EVC: variants seen among roughly 807,000 people sequenced by gnomAD.
The protein encoded by EVC is EvC ciliary complex subunit 1, also known as evC complex member EVC.
A neutral mutation model predicts 118.9 loss-of-function variants in EVC; 116 were observed. The observed-to-expected ratio is 0.98, with a 90% CI of 0.84 to 1.14. The LOEUF is 1.14. Ranked by LOEUF, EVC falls within the 50% of genes most tolerant of loss-of-function variation. The pLI is 0.00. For synonymous variants in EVC, 619 were observed against 534.7 expected (o/e 1.16, Z -2.18); for missense variants, 1,401 against 1,246.4 (o/e 1.12, Z -1.87).
chr4:5,752,161 G>A (rs1188656329), intron 8 of EVC, among the ~76,000 whole-genome samples: 6 of 152,070 alleles, frequency 3.9e-5, no homozygotes, highest in African/African-American at 9.7e-5. Context: ...AGTCTGTGCC[G>A]AGGGAGATGC....
chr4:5,770,848 C>G (rs1047300135), intron 11 of EVC, among the ~76,000 whole-genome samples: 1 of 152,022 alleles, frequency 6.6e-6, no homozygotes, highest in Non-Finnish European at 1.5e-5. Flanking sequence ...CCCATCTCTA[C>G]TAAAAATAAC....
chr4:5,724,981 G>A (rs1725584822), intron 2 of EVC, among the ~76,000 whole-genome samples: 1 of 152,066 alleles, frequency 6.6e-6, no homozygotes, highest in African/African-American at 2.4e-5. Context: ...GCGGTGTTTG[G>A]TTTTCTGTTC....
intron 11 of EVC, among the ~76,000 whole-genome samples, chr4:5,766,733 G>T (rs570640695): frequency 0.017 from 2,131 of 126,762 alleles, 97 homozygotes; most frequent in African/African-American, 0.061. Context: ...CGTAGTTCTC[G>T]AGCCTTGGTT....
chr4:5,753,829 C>T lies in EVC; in HGVS notation c.1360C>T (p.His454Tyr), dbSNP rs748062945. 24 of 1,614,020 alleles carry T rather than the reference C, an allele frequency of 1.5e-5. No individual in the cohort carries two copies. In the Admixed American group the frequency reaches 1.7e-4, roughly 11 times the overall value. The change falls in exon 10 of 21, where the codon CAC becomes TAC. Residue 454 changes from histidine to tyrosine, a missense_variant. By Grantham distance (83) the His-to-Tyr change is moderately conservative. Transcript: ENST00000264956. ...GKDLVTASLA[H>Y]QVEGTAKLTL... ...AGACCTGGTCACGGCGTCTCTGGCT[C>T]ACCAGGTGGAGGGAACGGCAAAACT...
chr4:5,769,993 T>G (rs1733693651), intron 11 of EVC, among the ~76,000 whole-genome samples: 1 of 152,054 alleles, frequency 6.6e-6, no homozygotes, highest in African/African-American at 2.4e-5. Context: ...ACAGCTGCTG[T>G]GCTCAGGGCC....
Position 5,756,292 on chromosome 4 carries a change from G to C in EVC, c.1493G>C (p.Arg498Thr). 1 of 1,613,156 alleles carries C rather than the reference G, an allele frequency of 6.2e-7. No individual in the cohort carries two copies. Among genetic ancestry groups the C allele is most frequent in the East Asian group, 2.2e-5 (1 of 44,874 alleles). Reference protein sequence around the residue: ...EAFHEVLERQRLMQCDLEEEE... With the variant: ...EAFHEVLERQTLMQCDLEEEE... ...TTTCATGAGGTCCTGGAGAGGCAGA[G>C]GCTGATGCAGTGTGACCTGGAGGAA... The change falls in exon 11 of 21, where the codon AGG (arginine) becomes ACG (threonine). Residue 498 changes from arginine to threonine, a missense_variant. Transcript: ENST00000264956. This position sits in a 1 kb window ranked among gnomAD's most constrained non-coding sequence, Gnocchi z 4.2.
rs1202791604 is a variant in EVC, at chr4:5,719,958, CTGTT to C, written c.300+587_300+590del. On this transcript the variant is annotated intron_variant, in intron 2 of 20. Coordinates refer to ENST00000264956, the MANE Select transcript of EVC (RefSeq NM_153717.3). This position sits in a 1 kb window ranked among gnomAD's most constrained non-coding sequence, Gnocchi z 4.7. ...CTACTATGAATGTTGGTGCATAAGT[CTGTT>C]TATTTTCATTTCATTTTACTTCCTT... Among the ~76,000 whole-genome samples, 1 of 152,052 alleles carries C rather than the reference CTGTT, an allele frequency of 6.6e-6. No homozygotes were observed. Among genetic ancestry groups the C allele is most frequent in the Admixed American group, 6.6e-5 (1 of 15,260 alleles).
Position 5,810,998 on chromosome 4 carries a change from G to C in EVC, c.2940G>C (p.Gly980=). Residue 980 remains glycine, a synonymous_variant, in exon 21 of 21, where the codon GGG becomes GGC. Coordinates refer to ENST00000264956, the MANE Select transcript of EVC (RefSeq NM_153717.3). ...SQQESEAGDS[G]NSKKMLKRRS... is the part of the protein sequence containing the mutation. ...AAGAAAGTGAAGCTGGGGACAGTGG[G>C]AACTCAAAGAAGATGCTAAAGAGAA... 2 of 1,613,086 alleles carry C rather than the reference G, an allele frequency of 1.2e-6. No homozygotes were observed. The highest frequency in any genetic ancestry group is 8.5e-7 in the Non-Finnish European group (1 of 1,179,442).
At chr4:5,815,763 G>C (rs1013557906), downstream of EVC, among the ~76,000 whole-genome samples, 7 of 152,072 alleles carry the variant, frequency 4.6e-5, no homozygotes, top group African/African-American at 1.4e-4. Context: ...TCGGTGCTTT[G>C]AGTAATCATT....
rs567759615 is a variant in EVC, at chr4:5,716,091, G to A, written c.175-3157G>A. Among the ~76,000 whole-genome samples, 13 of 152,262 alleles carry A rather than the reference G, an allele frequency of 8.5e-5. 1 individual carries two copies. In the Middle Eastern group the frequency reaches 0.017, roughly 199 times the overall value. On this transcript the variant is annotated intron_variant, in intron 1 of 20. Coordinates refer to ENST00000264956, the MANE Select transcript of EVC (RefSeq NM_153717.3). ...AACCAAACTGGGTTCCACTCACCTG[G>A]CACAGTAAGACCAGATAGCGACACT... is the stretch of plus-strand genomic sequence containing the variant.
At chr4:5,816,325 A>G (rs1717671864), downstream of EVC, among the ~76,000 whole-genome samples, 1 of 152,114 alleles carries the variant, frequency 6.6e-6, no homozygotes, top group African/African-American at 2.4e-5. Flanking sequence ...AGCAAAAACG[A>G]CCAACATCCT....
intron 8 of EVC, among the ~76,000 whole-genome samples, chr4:5,750,907 A>G (rs912025169): frequency 6.6e-6 from 1 of 152,200 alleles, no homozygotes; most frequent in Non-Finnish European, 1.5e-5. Context: ...CTCAGAACAC[A>G]GAAGAGTTGG....
At chr4:5,768,259 G>GT (rs887957735) in intron 11 of EVC, among the ~76,000 whole-genome samples, 3 of 152,154 alleles carry the variant, frequency 2.0e-5, no homozygotes, top group Non-Finnish European at 4.4e-5. Context: ...CATGTTTTGA[G>GT]TAGGGAAGTG....
intron 19 of EVC, among the ~76,000 whole-genome samples, 163 bp downstream of exon 19, chr4:5,809,774 C>T (rs1404753191): frequency 6.6e-6 from 1 of 152,118 alleles, no homozygotes; most frequent in African/African-American, 2.4e-5. Context: ...TTGGCTAGGC[C>T]ACCCCTCAGG....
rs1465212198 is a variant in EVC, at chr4:5,742,852, G to A, written c.801+1038G>A. ...GGCTTCACCTAGGAAGGAATTCAAG[G>A]GAGAGCCAGTGGTGTTAGACAGTAG... On this transcript the variant is annotated intron_variant, in intron 6 of 20. Coordinates refer to ENST00000264956, the MANE Select transcript of EVC (RefSeq NM_153717.3). This position sits in a 1 kb window ranked among gnomAD's most constrained non-coding sequence, Gnocchi z 5.2. 6.6e-6 allele frequency among the ~76,000 whole-genome samples: 1 copy of A among 152,222 alleles called. No homozygotes were observed. The highest frequency in any genetic ancestry group is 1.5e-5 in the Non-Finnish European group (1 of 68,040).
chr4:5,737,534 C>T lies in EVC; in HGVS notation c.702+4099C>T, dbSNP rs765987325. Among the ~76,000 whole-genome samples, 1 of 152,214 alleles carries T rather than the reference C, an allele frequency of 6.6e-6. No individual in the cohort carries two copies. The highest frequency in any genetic ancestry group is 2.4e-5 in the African/African-American group (1 of 41,458). On this transcript the variant is annotated intron_variant, in intron 5 of 20. Transcript: ENST00000264956. This position sits in a 1 kb window ranked among gnomAD's most constrained non-coding sequence, Gnocchi z 5.0. The stretch of plus-strand genomic sequence containing the variant: ...GCTTCAAAGAACAGGCTGACTCTCT[C>T]GCTAGGGGCTAATGCGGGAGATGAC...
chr4:5,819,331 A>C, the EVC span, among the ~76,000 whole-genome samples: 2 of 152,188 alleles, frequency 1.3e-5, no homozygotes, highest in African/African-American at 4.8e-5. Flanking sequence ...ATGAATGAGA[A>C]TAGCCTTCCC....
At chr4:5,799,598 C>T (rs535230730) in intron 15 of EVC, among the ~76,000 whole-genome samples, 4 of 152,282 alleles carry the variant, frequency 2.6e-5, no homozygotes, top group South Asian at 2.1e-4. Context: ...TACAGCACCT[C>T]GCTCGCTTCA....
chr4:5,779,569 T>G (rs200794242), intron 11 of EVC, among the ~76,000 whole-genome samples: 49 of 125,694 alleles, frequency 3.9e-4, no homozygotes, highest in African/African-American at 9.0e-4. Flanking sequence ...CCCTTGTAAG[T>G]TGGATTCCTA....
Sources: gnomAD v4.1 joint callset for allele counts (sites outside exome capture counted in the v4.1 genomes callset) on GRCh38, gnomAD v4.1.1 for gene constraint, Gnocchi (gnomAD v3.1) non-coding constraint, MANE v1.5 for transcripts, NCBI Gene and HGNC (gene_info 2026-07-23, HGNC 2026-07-21) for gene names.